Variants in PLCL2 observed in about 807,000 individuals in gnomAD.
The protein encoded by PLCL2 is inactive phospholipase C-like protein 2.
PLCL2 carries 4 observed loss-of-function variants against 79.6 expected under a neutral mutation model. The observed-to-expected ratio is 0.05, with a 90% CI of 0.02 to 0.11. The LOEUF (loss-of-function observed/expected upper bound fraction) is 0.11. Ranked by LOEUF, PLCL2 falls within the 10% of genes least tolerant of loss-of-function variation. PLCL2 has a pLI of 1.00. For missense variants in PLCL2, 895 were observed against 1,291.0 expected (o/e 0.69, Z 4.70); for synonymous variants, 484 against 457.7 (o/e 1.06, Z -0.73).
intron 2 of PLCL2, among the ~76,000 whole-genome samples, chr3:17,014,409 C>T (rs1479990233): frequency 1.3e-5 from 2 of 152,064 alleles, no homozygotes; most frequent in Admixed American, 6.5e-5. Context: ...GTTGCATATC[C>T]GCATCAGCAC....
chr3:17,002,103 C>A (rs1329507997), intron 1 of PLCL2, among the ~76,000 whole-genome samples: 1 of 151,984 alleles, frequency 6.6e-6, no homozygotes, highest in Admixed American at 6.6e-5. Flanking sequence ...TTATAACTAT[C>A]ATAAATGTGA....
chr3:16,968,449 G>A (rs1401367533), intron 1 of PLCL2, among the ~76,000 whole-genome samples: 2 of 152,046 alleles, frequency 1.3e-5, no homozygotes, highest in African/African-American at 2.4e-5. Flanking sequence ...ATTTCTTTGA[G>A]CAGTGTTTTG....
rs558225261 is a variant in PLCL2 at position 16,886,683 on chromosome 3, G to T, written c.327+1317G>T. ...AGCACACACGTAGAGATAAACTAAG[G>T]AAAGTAAAGTGTCTTTTTGCTGCAT... On this transcript the variant is annotated intron_variant, in intron 1 of 5. Coordinates refer to ENST00000615277, the MANE Select transcript of PLCL2 (RefSeq NM_001144382.2). The surrounding 1 kb of genome is among the most constrained non-coding windows in gnomAD (Gnocchi z 4.2). Among the ~76,000 whole-genome samples, 3 of 152,302 alleles carry T rather than the reference G, an allele frequency of 2.0e-5. No individual in the cohort carries two copies. In the East Asian group the frequency reaches 5.8e-4, roughly 29 times the overall value.
intron 1 of PLCL2, among the ~76,000 whole-genome samples, chr3:16,912,841 G>A (rs1696913350): frequency 6.6e-6 from 1 of 152,104 alleles, no homozygotes; most frequent in South Asian, 2.1e-4. Flanking sequence ...TTGAGACATT[G>A]GTGTTGGAAG....
chr3:16,975,658 G>C (rs1444290112), intron 1 of PLCL2, among the ~76,000 whole-genome samples: 1 of 152,248 alleles, frequency 6.6e-6, no homozygotes, highest in African/African-American at 2.4e-5. Context: ...TGGTTGGGAC[G>C]TGGGGCGGCA....
At chr3:16,980,422 G>A (rs1305598211) in intron 1 of PLCL2, among the ~76,000 whole-genome samples, 1 of 150,564 alleles carries the variant, frequency 6.6e-6, no homozygotes, top group Non-Finnish European at 1.5e-5. Context: ...TCTCAGACGG[G>A]GCGGTTGCCA....
In PLCL2 at chr3:17,031,616, G is replaced by A. The variant is rs184444932; in HGVS notation, c.3019-11258G>A. 2.0e-3 allele frequency among the ~76,000 whole-genome samples: 312 copies of A among 152,272 alleles called. 1 individual carries two copies. The highest frequency in any genetic ancestry group is 5.8e-3 in the African/African-American group (240 of 41,556). On this transcript the variant is annotated intron_variant, in intron 3 of 5. Coordinates refer to ENST00000615277, the MANE Select transcript of PLCL2 (RefSeq NM_001144382.2). The stretch of plus-strand genomic sequence containing the variant: ...GGTGCAAAGCAATTTATCATGTGCT[G>A]TAAAGTAGATTGTTTAATGTGAGAC...
At chr3:16,901,668 C>G (rs1179415588) in intron 1 of PLCL2, among the ~76,000 whole-genome samples, 1 of 152,222 alleles carries the variant, frequency 6.6e-6, no homozygotes, top group African/African-American at 2.4e-5. Context: ...CCTCCTGTGT[C>G]TTTAACTTCT....
chr3:16,903,897 C>T (rs1696687316), intron 1 of PLCL2, among the ~76,000 whole-genome samples: 1 of 152,216 alleles, frequency 6.6e-6, no homozygotes, highest in Admixed American at 6.5e-5. Context: ...GTCCCTTCAG[C>T]CTGCACCTGG....
At chr3:16,943,507 T>A (rs2063573409) in intron 1 of PLCL2, among the ~76,000 whole-genome samples, 1 of 152,224 alleles carries the variant, frequency 6.6e-6, no homozygotes, top group Non-Finnish European at 1.5e-5. Flanking sequence ...TTTTTCAGAT[T>A]TTACAAACAA....
intron 5 of PLCL2, among the ~76,000 whole-genome samples, chr3:17,079,395 G>A (rs892443774): frequency 2.0e-5 from 3 of 152,338 alleles, no homozygotes; most frequent in South Asian, 2.1e-4. Context: ...TGTGCCAGAC[G>A]AGGCCACTGT....
chr3:16,892,927 C>T (rs995630033), intron 1 of PLCL2, among the ~76,000 whole-genome samples: 10 of 152,208 alleles, frequency 6.6e-5, no homozygotes, highest in African/African-American at 1.9e-4. Flanking sequence ...CTCCATCACC[C>T]TCTCCCACTC....
chr3:17,041,517 T>A (rs907216868), intron 3 of PLCL2, among the ~76,000 whole-genome samples: 1 of 152,326 alleles, frequency 6.6e-6, no homozygotes, highest in Middle Eastern at 3.4e-3. Flanking sequence ...TTAAGAGACA[T>A]GTTGGTTATA....
intron 1 of PLCL2, among the ~76,000 whole-genome samples, chr3:16,916,360 A>C (rs1696995858): frequency 6.6e-6 from 1 of 152,200 alleles, no homozygotes; most frequent in Non-Finnish European, 1.5e-5. Flanking sequence ...GTAGTGAATT[A>C]GTCCCTGCAT....
At chr3:16,999,469 T>A (rs1336713333) in intron 1 of PLCL2, among the ~76,000 whole-genome samples, 1 of 152,248 alleles carries the variant, frequency 6.6e-6, no homozygotes, top group African/African-American at 2.4e-5. Flanking sequence ...TAATGTACAG[T>A]GTACCAAATT....
intron 4 of PLCL2, among the ~76,000 whole-genome samples, chr3:17,045,055 T>C (rs914087544): frequency 2.6e-5 from 4 of 152,192 alleles, no homozygotes; most frequent in Non-Finnish European, 5.9e-5. Context: ...TCCCAAGTAC[T>C]TATTTTAGAG....
At chr3:17,079,204 T>C (rs1020639643) in intron 5 of PLCL2, among the ~76,000 whole-genome samples, 7 of 152,110 alleles carry the variant, frequency 4.6e-5, no homozygotes, top group African/African-American at 1.7e-4. Context: ...CCTCGCTCTC[T>C]GCATCCTCTC....
At chr3:16,916,088 T>C (rs1252539236) in intron 1 of PLCL2, among the ~76,000 whole-genome samples, 2 of 152,232 alleles carry the variant, frequency 1.3e-5, no homozygotes, top group Admixed American at 1.3e-4. Flanking sequence ...TGACTAAAAG[T>C]TTTTCCTTCG....
intron 1 of PLCL2, among the ~76,000 whole-genome samples, chr3:16,897,701 G>A (rs904475244): frequency 2.6e-5 from 4 of 152,236 alleles, no homozygotes; most frequent in Non-Finnish European, 4.4e-5. Flanking sequence ...TGCTCCGCCC[G>A]AGGGTGGGCT....
Sources: gnomAD v4.1 joint callset for allele counts (sites outside exome capture counted in the v4.1 genomes callset) on GRCh38, gnomAD v4.1.1 for gene constraint, Gnocchi (gnomAD v3.1) non-coding constraint, MANE v1.5 for transcripts, NCBI Gene and HGNC (gene_info 2026-07-23, HGNC 2026-07-21) for gene names.